SLC4A10: variants seen among roughly 807,000 people sequenced by gnomAD.
SLC4A10 encodes the protein solute carrier family 4 member 10.
Under a neutral mutation model 137.7 loss-of-function variants are expected in SLC4A10, and 42 were observed. The observed-to-expected ratio is 0.30, with a 90% CI of 0.24 to 0.39. The LOEUF is 0.39. Ranked by LOEUF, SLC4A10 falls within the 10% of genes least tolerant of loss-of-function variation. The pLI, the probability that SLC4A10 is intolerant of heterozygous loss-of-function variation, is 1.00. For missense variants in SLC4A10, 925 were observed against 1,355.0 expected (o/e 0.68, Z 4.98); for synonymous variants, 474 against 464.1 (o/e 1.02, Z -0.27).
At chr2:161,719,923 C>A (rs1238867121) in intron 1 of SLC4A10, among the ~76,000 whole-genome samples, 2 of 152,164 alleles carry the variant, frequency 1.3e-5, no homozygotes, top group African/African-American at 4.8e-5. Context: ...TCAATTTTGG[C>A]TTTTGTTGCC....
At chr2:161,883,310 A>G (rs1340602039) in intron 10 of SLC4A10, among the ~76,000 whole-genome samples, 1 of 152,168 alleles carries the variant, frequency 6.6e-6, no homozygotes, top group Admixed American at 6.6e-5. Flanking sequence ...AAAATTCTGT[A>G]AAAAGAGCCA....
intron 1 of SLC4A10, among the ~76,000 whole-genome samples, chr2:161,766,639 A>G: frequency 6.6e-6 from 1 of 152,094 alleles, no homozygotes; most frequent in Non-Finnish European, 1.5e-5. Context: ...TGCAAAAATA[A>G]TAAATTTGCT....
At chr2:161,637,171 A>G (rs1381080439) in intron 1 of SLC4A10, among the ~76,000 whole-genome samples, 2 of 148,664 alleles carry the variant, frequency 1.3e-5, no homozygotes, top group African/African-American at 2.5e-5. Context: ...GTATATATAC[A>G]TATATACATA....
At chr2:161,911,724 A>C (rs2105409064) in intron 15 of SLC4A10, among the ~76,000 whole-genome samples, 1 of 152,224 alleles carries the variant, frequency 6.6e-6, no homozygotes. Context: ...TACCTAGCAA[A>C]GTGCTTGGCA....
At chr2:161,876,605 G>A (rs139545109) in intron 8 of SLC4A10, among the ~76,000 whole-genome samples, 1,593 of 152,202 alleles carry the variant, frequency 0.01, 17 homozygotes, top group Non-Finnish European at 0.015. Flanking sequence ...GATGGCTTGA[G>A]CCAGGAAGTT....
At chr2:161,872,163 CCCTT>C (rs1365347424) in intron 6 of SLC4A10, 126 bp from the exon 7 acceptor site, 2 of 516,284 alleles carry the variant, frequency 3.9e-6, no homozygotes, top group Non-Finnish European at 7.0e-6. Context: ...TTTATATTGA[CCCTT>C]CATTCTTACA....
intron 1 of SLC4A10, among the ~76,000 whole-genome samples, chr2:161,724,172 T>C (rs1465163676): frequency 6.6e-6 from 1 of 152,160 alleles, no homozygotes; most frequent in Non-Finnish European, 1.5e-5. Flanking sequence ...TAACTGGTCT[T>C]TTTCTTCCCC....
intron 3 of SLC4A10, among the ~76,000 whole-genome samples, chr2:161,837,312 A>G (rs1426224933): frequency 1.3e-5 from 2 of 152,200 alleles, no homozygotes; most frequent in African/African-American, 2.4e-5. Flanking sequence ...AGCATTAAAA[A>G]TTGGAAACAA....
intron 1 of SLC4A10, among the ~76,000 whole-genome samples, chr2:161,678,317 C>G (rs540773784): frequency 6.6e-6 from 1 of 152,124 alleles, no homozygotes; most frequent in East Asian, 1.9e-4. Context: ...TCCTTAAAAA[C>G]TTGGCCATTT....
intron 1 of SLC4A10, among the ~76,000 whole-genome samples, chr2:161,756,771 TGTGA>T (rs745621616): frequency 7.9e-5 from 12 of 152,268 alleles, no homozygotes; most frequent in Middle Eastern, 3.4e-3. Context: ...AGCATGATAC[TGTGA>T]GTATTAATAG....
intron 1 of SLC4A10, among the ~76,000 whole-genome samples, chr2:161,713,813 G>A (rs550227486): frequency 1.3e-4 from 20 of 151,678 alleles, no homozygotes; most frequent in African/African-American, 4.1e-4. Flanking sequence ...TTTTAATATC[G>A]CCTTCTTCTA....
chr2:161,874,584 C>T (rs1317606727), intron 8 of SLC4A10, among the ~76,000 whole-genome samples: 1 of 152,182 alleles, frequency 6.6e-6, no homozygotes, highest in Non-Finnish European at 1.5e-5. Flanking sequence ...CCTTTTCTTT[C>T]TCTTCACATT....
chr2:161,901,800 C>T (rs1683170556), intron 12 of SLC4A10, among the ~76,000 whole-genome samples: 1 of 152,074 alleles, frequency 6.6e-6, no homozygotes, highest in Non-Finnish European at 1.5e-5. Flanking sequence ...AGGAAATGTC[C>T]TTTAATGTCT....
At chr2:161,781,511 G>T (rs2053014343) in intron 2 of SLC4A10, among the ~76,000 whole-genome samples, 1 of 151,924 alleles carries the variant, frequency 6.6e-6, no homozygotes, top group African/African-American at 2.4e-5. Flanking sequence ...TTAAATATGA[G>T]GAAAAAGAAC....
chr2:161,676,496 A>T (rs185031177), intron 1 of SLC4A10, among the ~76,000 whole-genome samples: 1 of 152,046 alleles, frequency 6.6e-6, no homozygotes, highest in Non-Finnish European at 1.5e-5. Context: ...ATATTTGGTT[A>T]TCTTTTCTAT....
intron 24 of SLC4A10, among the ~76,000 whole-genome samples, chr2:161,976,409 A>G (rs1699384492): frequency 6.6e-6 from 1 of 152,202 alleles, no homozygotes; most frequent in African/African-American, 2.4e-5. Flanking sequence ...AGAAGTCAGA[A>G]ACCTAGAGAC....
intron 1 of SLC4A10, among the ~76,000 whole-genome samples, chr2:161,628,229 CTT>C (rs1326729823): frequency 6.6e-6 from 1 of 151,940 alleles, no homozygotes; most frequent in African/African-American, 2.4e-5. Context: ...GAATATATAA[CTT>C]ATATTTATAT....
Position 161,983,166 on chromosome 2 carries a change from T to C in SLC4A10, c.*27-13T>C. 7.2e-6 allele frequency: 11 copies of C among 1,536,524 alleles called. No individual in the cohort carries two copies. Among genetic ancestry groups the C allele is most frequent in the Non-Finnish European group, 9.6e-6 (11 of 1,146,948 alleles). On this transcript the variant is annotated splice_polypyrimidine_tract_variant and intron_variant, in intron 26 of 26. Transcript: ENST00000446997. ...ATTGCAGTAATAAATGTGTCCTTTT[T>C]TTCCTTCTGTAGCATTGAAAGCCGA...
At chr2:161,774,439 A>G (rs1165199292) in intron 2 of SLC4A10, among the ~76,000 whole-genome samples, 21 of 151,852 alleles carry the variant, frequency 1.4e-4, no homozygotes, top group Non-Finnish European at 7.4e-5. Flanking sequence ...AGTGGATGTT[A>G]CAGTGAACCA....
Sources: allele counts gnomAD v4.1 joint callset (sites outside exome capture counted in the v4.1 genomes callset), GRCh38; gene constraint gnomAD v4.1.1; transcripts MANE v1.5; gene names NCBI Gene and HGNC (gene_info 2026-07-23, HGNC 2026-07-21).